Variants in MACO1 observed in about 807,000 individuals in gnomAD.
MACO1 encodes the protein macoilin.
In MACO1, 14 loss-of-function variants were observed where a neutral mutation model predicts 78.7. That is an observed-to-expected ratio of 0.18 (90% confidence interval 0.12 to 0.28). MACO1 has a LOEUF of 0.28. Ranked by LOEUF, MACO1 falls within the 10% of genes least tolerant of loss-of-function variation. The pLI is 1.00. For missense variants in MACO1, 501 were observed against 799.0 expected (o/e 0.63, Z 4.50); for synonymous variants, 288 against 291.6 (o/e 0.99, Z 0.12).
chr1:25,494,769 G>A (rs2043519897), intron 10 of MACO1, among the ~76,000 whole-genome samples: 1 of 152,212 alleles, frequency 6.6e-6, no homozygotes, highest in Non-Finnish European at 1.5e-5. Context: ...GAGCAGAACA[G>A]ATACAAGGAG....
intron 5 of MACO1, among the ~76,000 whole-genome samples, chr1:25,457,437 T>C (rs956438759): frequency 6.6e-6 from 1 of 152,136 alleles, no homozygotes; most frequent in Admixed American, 6.6e-5. Context: ...AAAATATATA[T>C]TCTCAGCAAC....
At position 25,491,546 on chromosome 1, in the gene MACO1, C is replaced by T; in HGVS notation, c.1754C>T (p.Ala585Val). The change falls in exon 10 of 11, where the codon GCA (alanine) becomes GTA (valine). Residue 585 changes from alanine to valine, a missense_variant. By Grantham distance (64) the Ala-to-Val change is moderately conservative. Coordinates refer to ENST00000374343, the MANE Select transcript of MACO1 (RefSeq NM_018202.6). ...AGAATCAAGCTGGACCTGTTCTCCG[C>T]ACTGGGCGATGCAAAGCGGCAGCTC... ...ETRIKLDLFS[A>V]LGDAKRQLEI... 1 of 1,614,216 alleles carries T rather than the reference C, an allele frequency of 6.2e-7. No individual in the cohort carries two copies. Among genetic ancestry groups the T allele is most frequent in the Non-Finnish European group, 8.5e-7 (1 of 1,180,042 alleles).
chr1:25,495,962 A>G (rs1322832294), intron 10 of MACO1, among the ~76,000 whole-genome samples: 2 of 152,098 alleles, frequency 1.3e-5, no homozygotes, highest in African/African-American at 4.8e-5. Flanking sequence ...CTCCATCTCA[A>G]AAAAAATGAA....
intron 9 of MACO1, among the ~76,000 whole-genome samples, chr1:25,489,977 A>G (rs2043470385): frequency 6.6e-6 from 1 of 152,232 alleles, no homozygotes; most frequent in South Asian, 2.1e-4. Flanking sequence ...GAATAGCTAA[A>G]TAACTGGAGA....
chr1:25,458,516 G>C lies in MACO1; in HGVS notation c.778G>C (p.Asp260His). The C allele has an allele frequency of 6.2e-7, 1 of 1,613,702 alleles. No homozygotes were observed. Among genetic ancestry groups the C allele is most frequent in the Non-Finnish European group, 8.5e-7 (1 of 1,179,916 alleles). Residue 260 changes from aspartate (D) to histidine (H), a missense_variant, in exon 6 of 11, where the codon GAC (aspartate) becomes CAC (histidine). Asp to His is a moderately conservative substitution (Grantham distance 81). Transcript: ENST00000374343. ...ATACCGAGAAAAAGGGAAAGAAAAG[G>C]ACAAGGATGCCAAAAAACACAACCT... ...IEYREKGKEK[D>H]KDAKKHNLGI...
intron 6 of MACO1, among the ~76,000 whole-genome samples, chr1:25,463,861 C>T (rs1278261033): frequency 6.6e-6 from 1 of 152,048 alleles, no homozygotes; most frequent in Non-Finnish European, 1.5e-5. Context: ...ATTTTTAGAA[C>T]AGTTTTAGGT....
Position 25,498,582 on chromosome 1 carries a change from T to C in MACO1, c.*116T>C. On this transcript the variant is annotated 3_prime_UTR_variant, in exon 11 of 11. Coordinates refer to ENST00000374343, the MANE Select transcript of MACO1 (RefSeq NM_018202.6). ...ATTGTATTTTGTGGAACTGTATCTG[T>C]TGTCATTTTTAAAAAGGGGGGAAAA... 1.0e-6 allele frequency: 1 copy of C among 979,368 alleles called. No individual in the cohort carries two copies. 60.7% of individuals were successfully genotyped at this position (979,368 alleles called of 1,614,324 possible). A position where few individuals can be genotyped will look rare whatever the true frequency, so the allele number is the denominator to read the frequency against.
chr1:25,456,888 G>T, intron 5 of MACO1, 57 bp downstream of exon 5: 1 of 1,508,010 alleles, frequency 6.6e-7, no homozygotes, highest in South Asian at 1.4e-5. Flanking sequence ...TTTGTCTCTT[G>T]GTAGAATTTT....
At chr1:25,494,903 C>T (rs1243550367) in intron 10 of MACO1, among the ~76,000 whole-genome samples, 1 of 152,130 alleles carries the variant, frequency 6.6e-6, no homozygotes, top group African/African-American at 2.4e-5. Context: ...GGCCCAAACC[C>T]CTGGGAGTAA....
intron 6 of MACO1, among the ~76,000 whole-genome samples, chr1:25,478,024 TC>T (rs748836455): frequency 3.6e-4 from 55 of 152,200 alleles, no homozygotes; most frequent in Non-Finnish European, 2.1e-4. Flanking sequence ...GGCAGGCAGA[TC>T]ACTTGAGTTC....
intron 10 of MACO1, among the ~76,000 whole-genome samples, chr1:25,494,645 C>T (rs1027385011): frequency 1.3e-5 from 2 of 152,106 alleles, no homozygotes; most frequent in Admixed American, 1.3e-4. Flanking sequence ...CTACCACTGT[C>T]CTCTATCTAA....
intron 1 of MACO1, among the ~76,000 whole-genome samples, chr1:25,444,466 G>C (rs2042998589): frequency 6.6e-6 from 1 of 152,060 alleles, no homozygotes; most frequent in South Asian, 2.1e-4. Context: ...TCAAAACGTA[G>C]AAAGGGTTCT....
In MACO1 at chr1:25,498,418, C is replaced by T. The variant is rs759075431; in HGVS notation, c.1947C>T (p.Pro649=). Reference sequence around the variant, plus strand: ...CTTCCAAATTTGTGGAGACCAGCCCCTCTGGACTTGACCCCAATGCCTCTG... The same window carrying T: ...CTTCCAAATTTGTGGAGACCAGCCCTTCTGGACTTGACCCCAATGCCTCTG... ...HYSSKFVETS[P]SGLDPNASVY... The change falls in exon 11 of 11, where the codon CCC becomes CCT. Residue 649 remains proline, a synonymous_variant. Coordinates refer to ENST00000374343, the MANE Select transcript of MACO1 (RefSeq NM_018202.6). The T allele has an allele frequency of 3.7e-6, 6 of 1,614,084 alleles. No homozygotes were observed. Among genetic ancestry groups the T allele is most frequent in the Admixed American group, 1.7e-5 (1 of 60,014 alleles).
At chr1:25,453,905 A>G (rs1419362920) in intron 3 of MACO1, among the ~76,000 whole-genome samples, 2 of 152,106 alleles carry the variant, frequency 1.3e-5, no homozygotes, top group Non-Finnish European at 2.9e-5. Flanking sequence ...TCAGTAGTTA[A>G]CATCTTTTTC....
chr1:25,435,178 C>T (rs1269049870), intron 1 of MACO1, among the ~76,000 whole-genome samples: 1 of 152,126 alleles, frequency 6.6e-6, no homozygotes, highest in Non-Finnish European at 1.5e-5. Flanking sequence ...ATCTGTGTTA[C>T]TGGTGGCTGA....
chr1:25,454,488 ATTT>A (rs1166653485), intron 4 of MACO1, 106 bp downstream of exon 4: 4 of 72,374 alleles, frequency 5.5e-5, no homozygotes, highest in Non-Finnish European at 9.8e-5. Context: ...ATATATATAT[ATTT>A]TTTTTTTTTT....
chr1:25,454,959 T>G (rs889659298), intron 4 of MACO1, among the ~76,000 whole-genome samples: 2 of 152,158 alleles, frequency 1.3e-5, no homozygotes, highest in African/African-American at 2.4e-5. Flanking sequence ...TCTGACAGCT[T>G]GTGTTGCCTT....
intron 6 of MACO1, among the ~76,000 whole-genome samples, chr1:25,459,916 GC>G (rs2043156332): frequency 6.6e-6 from 1 of 152,114 alleles, no homozygotes; most frequent in Non-Finnish European, 1.5e-5. Context: ...CTAAACTGGA[GC>G]TTTTTTGTGT....
In MACO1 at chr1:25,431,035, G is replaced by A. The variant is rs1231471280; in HGVS notation, c.-64G>A. 2.9e-6 allele frequency: 4 copies of A among 1,357,168 alleles called. No individual in the cohort carries two copies. The highest frequency in any genetic ancestry group is 1.5e-5 in the African/African-American group (1 of 65,586). The allele number at this position is 1,357,168 out of a possible 1,614,324, so 84.1% of individuals were successfully genotyped here. On this transcript the variant is annotated 5_prime_UTR_variant, in exon 1 of 11. Transcript: ENST00000374343. ...CAGGCCCGACGCGGGGCGGGCCAGCGGCGGCGGCAGCTGAGGTGAGAGACG... is the reference window on the plus strand; with the variant it reads ...CAGGCCCGACGCGGGGCGGGCCAGCAGCGGCGGCAGCTGAGGTGAGAGACG...
Sources: gnomAD v4.1 joint callset for allele counts (sites outside exome capture counted in the v4.1 genomes callset) on GRCh38, gnomAD v4.1.1 for gene constraint, MANE v1.5 for transcripts, NCBI Gene and HGNC (gene_info 2026-07-23, HGNC 2026-07-21) for gene names.